Variants in COL6A3 observed in about 807,000 individuals in gnomAD.
COL6A3 encodes the protein collagen alpha-3(VI) chain.
COL6A3 carries 137 observed loss-of-function variants against 274.1 expected under a neutral mutation model. The ratio of observed to expected loss-of-function variants is 0.50; its 90% CI spans 0.44 to 0.58. The LOEUF (loss-of-function observed/expected upper bound fraction) is 0.58, where lower values mean the gene tolerates loss of function less well. Among genes scored for constraint, COL6A3 ranks in the 20% least tolerant of loss-of-function variants. COL6A3 has a pLI of 0.00. For missense variants in COL6A3, 3,950 were observed against 4,124.9 expected (o/e 0.96, Z 1.16); for synonymous variants, 1,650 against 1,650.6 (o/e 1.00, Z 0.01).
rs902447059 is a variant in COL6A3 at position 237,365,797 on chromosome 2, C to A, written c.5739G>T (p.Lys1913Asn). The change falls in exon 12 of 44, where the codon AAG becomes AAT. Residue 1913 changes from lysine (K) to asparagine (N), a missense_variant. Physicochemically the swap from Lys to Asn is moderately conservative, Grantham distance 94. Transcript: ENST00000295550. ...GGTGCTGGCTGCGCATGTTCCGGAACTTCTCGAGCATCTCTGGCTGGTACT... is the reference window on the plus strand; with the variant it reads ...GGTGCTGGCTGCGCATGTTCCGGAAATTCTCGAGCATCTCTGGCTGGTACT... ...FDEYQPEMLE[K>N]FRNMRSQHPY... 1 of 1,614,106 alleles carries A rather than the reference C, an allele frequency of 6.2e-7. No homozygotes were observed. Among genetic ancestry groups the A allele is most frequent in the African/African-American group, 1.3e-5 (1 of 74,932 alleles).
At chr2:237,362,803 C>G (rs2077466879) in intron 14 of COL6A3, among the ~76,000 whole-genome samples, 1 of 152,202 alleles carries the variant, frequency 6.6e-6, no homozygotes, top group Non-Finnish European at 1.5e-5. Flanking sequence ...TTCATTGACA[C>G]AGAGGGAAAC....
Position 237,340,982 on chromosome 2 carries a change from A to T in COL6A3, c.7934T>A (p.Leu2645Gln). ...FNEMKKYIAY[L>Q]VRQLDMSPDP... is the part of the protein sequence containing the mutation. The stretch of plus-strand genomic sequence containing the variant: ...TGGGCTCATGTCCAGTTGTCTGACC[A>T]GGTACGCTATGTACTTCTTCATCTC... Residue 2645 changes from leucine to glutamine, a missense_variant, in exon 38 of 44, where the codon CTG becomes CAG. Around this residue, in one of 5 missense-constraint regions of COL6A3, gnomAD observed 1,284 missense variants for 1,349.7 expected, o/e 0.95. Transcript: ENST00000295550. 6.2e-7 allele frequency: 1 copy of T among 1,614,186 alleles called. No individual in the cohort carries two copies. The highest frequency in any genetic ancestry group is 8.5e-7 in the Non-Finnish European group (1 of 1,180,028).
Position 237,394,952 on chromosome 2 carries a change from G to T in COL6A3, c.344C>A (p.Thr115Asn), listed in dbSNP as rs1243322338. Reference sequence around the variant, plus strand: ...TTCTAATCCTTTTCCAGTCTGATTGGTTCCCCCAATATAAGACATGTTGGA... The same window carrying T: ...TTCTAATCCTTTTCCAGTCTGATTGTTTCCCCCAATATAAGACATGTTGGA... ...HISNMSYIGGTNQTGKGLEYI... is the reference protein window; with the variant it reads ...HISNMSYIGGNNQTGKGLEYI... Residue 115 changes from threonine (T) to asparagine (N), a missense_variant, in exon 3 of 44, where the codon ACC becomes AAC. By Grantham distance (65) the Thr-to-Asn change is moderately conservative. Coordinates refer to ENST00000295550, the MANE Select transcript of COL6A3 (RefSeq NM_004369.4). The T allele has an allele frequency of 1.2e-6, 2 of 1,614,052 alleles. No homozygotes were observed. The highest frequency in any genetic ancestry group is 1.7e-6 in the Non-Finnish European group (2 of 1,179,992).
rs149445612 is a variant in COL6A3, at chr2:237,367,607, A to G, written c.4901-321T>C. 3.4e-3 allele frequency among the ~76,000 whole-genome samples: 522 copies of G among 152,354 alleles called. 5 individuals carry two copies. Among genetic ancestry groups the G allele is most frequent in the African/African-American group, 0.012 (510 of 41,584 alleles). On this transcript the variant is annotated intron_variant, in intron 10 of 43. Transcript: ENST00000295550. ...AAAATGGCATTGTGACAAGAATTCAATAGGGACCTGGCTTTGACATTTGTG... is the reference window on the plus strand; with the variant it reads ...AAAATGGCATTGTGACAAGAATTCAGTAGGGACCTGGCTTTGACATTTGTG...
rs10929233 is a variant in COL6A3 at position 237,413,044 on chromosome 2, G to T, written c.-31+909C>A. Among the ~76,000 whole-genome samples, 33,303 of 152,096 alleles carry T rather than the reference G, an allele frequency of 0.22. 3,930 individuals are homozygous for T. The highest frequency in any genetic ancestry group is 0.35 in the Admixed American group (5,426 of 15,286). On this transcript the variant is annotated intron_variant, in intron 1 of 43. Coordinates refer to ENST00000295550, the MANE Select transcript of COL6A3 (RefSeq NM_004369.4). The surrounding 1 kb of genome is among the most constrained non-coding windows in gnomAD (Gnocchi z 4.0). ...ACCCGTTCATTATCCAACATAGTAG[G>T]CCCCTTGAAACAGGTTCCCCAAACA...
chr2:237,412,198 C>T lies in COL6A3; in HGVS notation c.-31+1755G>A, dbSNP rs558982398. 5.9e-5 allele frequency among the ~76,000 whole-genome samples: 9 copies of T among 152,338 alleles called. No homozygotes were observed. The East Asian group carries it at 1.5e-3, about 26-fold the overall frequency. Reference sequence around the variant, plus strand: ...AGGCTTTCATCCTCAGCTACAAGCCCACTTCAGAAAGAAGAGCATACAGGT... The same window carrying T: ...AGGCTTTCATCCTCAGCTACAAGCCTACTTCAGAAAGAAGAGCATACAGGT... On this transcript the variant is annotated intron_variant, in intron 1 of 43. Transcript: ENST00000295550.
At chr2:237,345,441 C>T (rs1474710357) in intron 32 of COL6A3, among the ~76,000 whole-genome samples, 1 of 152,220 alleles carries the variant, frequency 6.6e-6, no homozygotes, top group Non-Finnish European at 1.5e-5. Flanking sequence ...GAAATAGTCT[C>T]ATGTTCTGAA....
chr2:237,345,317 G>GGAT, intron 32 of COL6A3, 104 bp from the exon 33 acceptor site: 1 of 1,068,920 alleles, frequency 9.4e-7, no homozygotes, highest in African/African-American at 1.6e-5. Context: ...AGGGGCCCCT[G>GGAT]GATAACCTTG....
intron 24 of COL6A3, among the ~76,000 whole-genome samples, chr2:237,353,986 T>C (rs969750451): frequency 2.0e-5 from 3 of 152,078 alleles, no homozygotes; most frequent in African/African-American, 4.8e-5. Flanking sequence ...TCCCATTCTA[T>C]TCTTAAATAA....
chr2:237,410,533 G>C (rs2106408828), intron 1 of COL6A3, among the ~76,000 whole-genome samples: 1 of 152,038 alleles, frequency 6.6e-6, no homozygotes, highest in South Asian at 2.1e-4. Flanking sequence ...TCAAACTCCT[G>C]GGCTCAAGCG....
At chr2:237,396,575 A>G in intron 2 of COL6A3, 152 bp downstream of exon 2, 3 of 774,234 alleles carry the variant, frequency 3.9e-6, no homozygotes, top group Non-Finnish European at 6.6e-6. Flanking sequence ...AGGCCTATAA[A>G]TCCTAGAACT....
intron 29 of COL6A3, 33 bp from the exon 30 acceptor site, chr2:237,348,417 G>A (rs2106328805): frequency 1.3e-6 from 2 of 1,550,996 alleles, no homozygotes; most frequent in Non-Finnish European, 1.8e-6. Flanking sequence ...TTAATACTTG[G>A]TTCTAATTTA....
intron 4 of COL6A3, among the ~76,000 whole-genome samples, chr2:237,382,120 C>T (rs1198344426): frequency 2.0e-5 from 3 of 152,328 alleles, no homozygotes; most frequent in Middle Eastern, 3.4e-3. Context: ...CAGTGGCTCA[C>T]GCCTGTAATC....
intron 23 of COL6A3, among the ~76,000 whole-genome samples, chr2:237,356,179 A>G (rs948372052): frequency 4.6e-5 from 7 of 152,208 alleles, no homozygotes; most frequent in African/African-American, 1.7e-4. Flanking sequence ...TGAACTACTC[A>G]ATTTTAAGTC....
At chr2:237,399,473 C>T (rs1386990340) in intron 1 of COL6A3, among the ~76,000 whole-genome samples, 3 of 152,214 alleles carry the variant, frequency 2.0e-5, no homozygotes, top group African/African-American at 7.2e-5. Flanking sequence ...AGCAACGTTT[C>T]ATTCATCAGC....
chr2:237,355,180 C>T lies in COL6A3; in HGVS notation c.6592-246G>A. 4.0e-6 allele frequency: 2 copies of T among 496,396 alleles called. 1 individual carries two copies. Among genetic ancestry groups the T allele is most frequent in the South Asian group, 7.9e-5 (2 of 25,254 alleles). The allele number at this position is 496,396 out of a possible 1,614,324, so 30.7% of individuals were successfully genotyped here. A position where few individuals can be genotyped will look rare whatever the true frequency, so the allele number is the denominator to read the frequency against. ...CTTCCTTGCTGCTCCTGTTAATCAC[C>T]CAATGGAAGTTTTGAGAATTACTGC... is the stretch of plus-strand genomic sequence containing the variant. On this transcript the variant is annotated intron_variant, in intron 23 of 43. Transcript: ENST00000295550.
chr2:237,382,186 C>T (rs1458904962), intron 4 of COL6A3, among the ~76,000 whole-genome samples: 1 of 152,096 alleles, frequency 6.6e-6, no homozygotes. Flanking sequence ...AGCTCAAGAC[C>T]AGCCTGGCCA....
At position 237,346,530 on chromosome 2, in the gene COL6A3, C is replaced by T. The variant is rs2106326884; in HGVS notation, c.7065G>A (p.Lys2355=). ...NSGPPGIVGQ[K]GDPGYPGPAG... The stretch of plus-strand genomic sequence containing the variant: ...CTGGTCCTGGGTAGCCAGGGTCTCC[C>T]TTCTGTCCAACTATCCCTGGAGGTC... Residue 2355 remains lysine (K), a synonymous_variant, in exon 32 of 44, where the codon AAG becomes AAA. Coordinates refer to ENST00000295550, the MANE Select transcript of COL6A3 (RefSeq NM_004369.4). The T allele has an allele frequency of 1.9e-6, 3 of 1,614,020 alleles. No individual in the cohort carries two copies. Among genetic ancestry groups the T allele is most frequent in the Non-Finnish European group, 2.5e-6 (3 of 1,179,952 alleles).
In COL6A3 at chr2:237,324,768, C is replaced by T. The variant is rs2106297652; in HGVS notation, c.*6G>A. On this transcript the variant is annotated 3_prime_UTR_variant, in exon 44 of 44. Coordinates refer to ENST00000295550, the MANE Select transcript of COL6A3 (RefSeq NM_004369.4). ...TCAAGAGGTATATGATGTTGGCCAC[C>T]CACGCTTAGGTTCCCATCACACTGA... 2 of 1,613,814 alleles carry T rather than the reference C, an allele frequency of 1.2e-6. No homozygotes were observed. Among genetic ancestry groups the T allele is most frequent in the East Asian group, 4.5e-5 (2 of 44,882 alleles).
Sources: gnomAD v4.1 joint callset for allele counts (sites outside exome capture counted in the v4.1 genomes callset) on GRCh38, gnomAD v4.1.1 for gene constraint, gnomAD v4.1.1 regional missense constraint, Gnocchi (gnomAD v3.1) non-coding constraint, MANE v1.5 for transcripts, NCBI Gene and HGNC (gene_info 2026-07-23, HGNC 2026-07-21) for gene names.